Variants in FBXW7 observed in about 807,000 individuals in gnomAD.
FBXW7 encodes the protein F-box/WD repeat-containing protein 7.
FBXW7 carries 11 observed loss-of-function variants against 86.3 expected under a neutral mutation model. The observed-to-expected ratio is 0.13, with a 90% confidence interval of 0.08 to 0.21. The LOEUF (loss-of-function observed/expected upper bound fraction) is 0.21. Ranked by LOEUF, FBXW7 falls within the 10% of genes least tolerant of loss-of-function variation. The probability of loss-of-function intolerance (pLI) is 1.00; values close to 1 mark genes in which losing one functional copy is unlikely to be tolerated. For synonymous variants in FBXW7, 313 were observed against 297.9 expected (o/e 1.05, Z -0.52); for missense variants, 488 against 847.4 (o/e 0.58, Z 5.27).
chr4:152,475,253 C>G (rs1447867684), intron 2 of FBXW7, among the ~76,000 whole-genome samples: 3 of 151,664 alleles, frequency 2.0e-5, no homozygotes, highest in Admixed American at 2.0e-4. Context: ...ACAGCAAGAC[C>G]TCATCTCCAC....
chr4:152,528,519 G>A (rs1167168926), intron 2 of FBXW7, among the ~76,000 whole-genome samples: 3 of 152,120 alleles, frequency 2.0e-5, no homozygotes, highest in Admixed American at 6.6e-5. Context: ...GAACACCTCA[G>A]AAAAATTTAG....
intron 2 of FBXW7, among the ~76,000 whole-genome samples, chr4:152,438,188 G>A (rs1408990656): frequency 6.6e-6 from 1 of 152,144 alleles, no homozygotes; most frequent in African/African-American, 2.4e-5. Context: ...TAAATAAATA[G>A]TAAAGTATTT....
At chr4:152,481,368 A>C (rs1179476265) in intron 2 of FBXW7, among the ~76,000 whole-genome samples, 1 of 152,186 alleles carries the variant, frequency 6.6e-6, no homozygotes, top group Non-Finnish European at 1.5e-5. Flanking sequence ...GACATTGCTC[A>C]TTGCACCTGG....
At chr4:152,334,626 A>G (rs1729889450) in intron 7 of FBXW7, among the ~76,000 whole-genome samples, 1 of 152,242 alleles carries the variant, frequency 6.6e-6, no homozygotes, top group Admixed American at 6.5e-5. Flanking sequence ...CAGCAAATCC[A>G]GAGCAGCTTA....
At chr4:152,390,673 T>G (rs1239907812) in intron 4 of FBXW7, among the ~76,000 whole-genome samples, 8 of 152,076 alleles carry the variant, frequency 5.3e-5, no homozygotes, top group African/African-American at 1.9e-4. Context: ...ATAAACAGTT[T>G]AAACATAACA....
chr4:152,535,579 GT>G lies in FBXW7; in HGVS notation c.-666del. 2.5e-6 allele frequency: 1 copy of G among 396,938 alleles called. No homozygotes were observed. Among genetic ancestry groups the G allele is most frequent in the Non-Finnish European group, 4.4e-6 (1 of 224,866 alleles). 24.6% of individuals were successfully genotyped at this position (396,938 alleles called of 1,614,324 possible). ...GCTACGGCCCCGGGCGGGTGGCCGA[GT>G]CGGCGGCAAGGCGAGGGACCCGGCC... On this transcript the variant is annotated 5_prime_UTR_variant, in exon 1 of 14. An upstream open reading frame in the 5' UTR loses its in-frame stop. Coordinates refer to ENST00000281708, the MANE Select transcript of FBXW7 (RefSeq NM_001349798.2).
Position 152,421,744 on chromosome 4 carries a change from T to C in FBXW7, c.-119-9215A>G, listed in dbSNP as rs1400408. 4.1e-3 allele frequency among the ~76,000 whole-genome samples: 622 copies of C among 152,248 alleles called. 3 individuals are homozygous for C. Among genetic ancestry groups the C allele is most frequent in the Non-Finnish European group, 6.7e-3 (458 of 68,018 alleles). On this transcript the variant is annotated intron_variant, in intron 2 of 13. Coordinates refer to ENST00000281708, the MANE Select transcript of FBXW7 (RefSeq NM_001349798.2). Reference sequence around the variant, plus strand: ...TTAGAAGCCACTGTAGGGTTATTAATTGGCAAAATTTCAATGTTGTGTCTC... The same window carrying C: ...TTAGAAGCCACTGTAGGGTTATTAACTGGCAAAATTTCAATGTTGTGTCTC...
chr4:152,387,708 CTTTT>C, intron 4 of FBXW7, among the ~76,000 whole-genome samples: 1 of 112,796 alleles, frequency 8.9e-6, no homozygotes, highest in Admixed American at 1.1e-4. Flanking sequence ...CATGGCATAC[CTTTT>C]TTTTTTTTTT....
At chr4:152,521,468 G>A (rs369967591) in intron 2 of FBXW7, among the ~76,000 whole-genome samples, 1 of 152,126 alleles carries the variant, frequency 6.6e-6, no homozygotes, top group Non-Finnish European at 1.5e-5. Flanking sequence ...TATATACATG[G>A]ACACACAACC....
chr4:152,321,057 T>C lies in FBXW7; in HGVS notation c.*1824A>G, dbSNP rs1728524593. 1 of 176,826 alleles carries C rather than the reference T, an allele frequency of 5.7e-6. No homozygotes were observed. The highest frequency in any genetic ancestry group is 2.4e-5 in the African/African-American group (1 of 42,338). The allele number at this position is 176,826 out of a possible 1,614,324, so 11.0% of individuals were successfully genotyped here. A position where few individuals can be genotyped will look rare whatever the true frequency, so the allele number is the denominator to read the frequency against. On this transcript the variant is annotated 3_prime_UTR_variant, in exon 14 of 14. Coordinates refer to ENST00000281708, the MANE Select transcript of FBXW7 (RefSeq NM_001349798.2). ...GATGAGCACAGTGGAGTGTCCTCCT[T>C]CATAGTCTAGGAGAGAAATAAAATT...
At chr4:152,331,485 G>T (rs964323133) in intron 8 of FBXW7, among the ~76,000 whole-genome samples, 3 of 152,042 alleles carry the variant, frequency 2.0e-5, no homozygotes, top group Non-Finnish European at 4.4e-5. Flanking sequence ...AATATTGTAT[G>T]ATTTCACTTA....
At chr4:152,325,421 C>G (rs1728930977) in intron 12 of FBXW7, 2 of 152,080 alleles carry the variant, frequency 1.3e-5, no homozygotes, top group African/African-American at 4.8e-5. Context: ...TCTAAACTTC[C>G]TATTCATCTA....
At chr4:152,528,288 A>C (rs1156583278) in intron 2 of FBXW7, among the ~76,000 whole-genome samples, 1 of 152,194 alleles carries the variant, frequency 6.6e-6, no homozygotes, top group African/African-American at 2.4e-5. Flanking sequence ...ATAGCAACAG[A>C]AACTGCACAG....
chr4:152,402,851 A>G (rs1737071664), intron 4 of FBXW7, among the ~76,000 whole-genome samples: 1 of 152,236 alleles, frequency 6.6e-6, no homozygotes, highest in Admixed American at 6.5e-5. Context: ...AACAAGGACC[A>G]AAGCAAAGTC....
At chr4:152,411,907 T>G in intron 3 of FBXW7, 35 bp from the exon 4 acceptor site, 4 of 1,435,098 alleles carry the variant, frequency 2.8e-6, no homozygotes, top group Non-Finnish European at 3.7e-6. Flanking sequence ...ACAAGATTTG[T>G]ACAATCTATA....
At chr4:152,331,944 T>C (rs1729600472) in intron 8 of FBXW7, among the ~76,000 whole-genome samples, 1 of 152,078 alleles carries the variant, frequency 6.6e-6, no homozygotes, top group Non-Finnish European at 1.5e-5. Context: ...TAACCATCAA[T>C]GCTTCCTACT....
chr4:152,360,836 A>AATAT (rs375017480), intron 4 of FBXW7, among the ~76,000 whole-genome samples: 1,925 of 146,514 alleles, frequency 0.013, 19 homozygotes, highest in Middle Eastern at 0.04. Flanking sequence ...AAATATATTA[A>AATAT]ATATATATAT....
chr4:152,493,740 C>G (rs1433919450), intron 2 of FBXW7, among the ~76,000 whole-genome samples: 1 of 152,166 alleles, frequency 6.6e-6, no homozygotes, highest in Non-Finnish European at 1.5e-5. Flanking sequence ...CAGAAGAAAA[C>G]AAACCTGCCA....
intron 2 of FBXW7, among the ~76,000 whole-genome samples, chr4:152,494,527 G>A (rs1190237778): frequency 1.3e-5 from 2 of 152,110 alleles, no homozygotes; most frequent in East Asian, 3.8e-4. Flanking sequence ...GGTGGTATAG[G>A]AATGAAAGAA....
Sources: allele counts gnomAD v4.1 joint callset (sites outside exome capture counted in the v4.1 genomes callset), GRCh38; gene constraint gnomAD v4.1.1; transcripts MANE v1.5; gene names NCBI Gene and HGNC (gene_info 2026-07-23, HGNC 2026-07-21).